BTAF1: variants seen among roughly 807,000 people sequenced by gnomAD.
BTAF1 encodes B-TFIID TATA-box binding protein associated factor 1.
In BTAF1, 38 loss-of-function variants were observed where a neutral mutation model predicts 227.1. The observed-to-expected ratio is 0.17, with a 90% CI of 0.13 to 0.22. The LOEUF is 0.22. Among genes scored for constraint, BTAF1 ranks in the 10% least tolerant of loss-of-function variants. The pLI is 1.00. For synonymous variants in BTAF1, 742 were observed against 751.9 expected (o/e 0.99, Z 0.21); for missense variants, 1,598 against 2,204.0 (o/e 0.73, Z 5.51).
At chr10:91,986,887 T>A (rs1454460817) in intron 19 of BTAF1, among the ~76,000 whole-genome samples, 1 of 152,098 alleles carries the variant, frequency 6.6e-6, no homozygotes, top group East Asian at 1.9e-4. Flanking sequence ...AGGGCAGTTT[T>A]CAAAGGAGCC....
Position 91,982,154 on chromosome 10 carries a change from T to C in BTAF1, c.1977T>C (p.Gly659=). Residue 659 remains glycine (G), a synonymous_variant, in exon 17 of 38, where the codon GGT becomes GGC. Coordinates refer to ENST00000265990, the MANE Select transcript of BTAF1 (RefSeq NM_003972.3). ...NKEVLQEYIA[G]ADTIMEDPAT... is the part of the protein sequence containing the mutation. ...AAGTACTTCAGGAGTATATTGCAGG[T>C]GCCGACACCATCATGGAAGACCCAG... is the stretch of plus-strand genomic sequence containing the variant. 1 of 1,613,992 alleles carries C rather than the reference T, an allele frequency of 6.2e-7. No homozygotes were observed. The highest frequency in any genetic ancestry group is 1.1e-5 in the South Asian group (1 of 91,068).
chr10:91,956,177 A>G (rs4933223), intron 6 of BTAF1, among the ~76,000 whole-genome samples: 145,785 of 152,224 alleles, frequency 0.96, 70,158 homozygotes, highest in East Asian at 1. Flanking sequence ...AAAAACGTTA[A>G]TGTTATGCTG....
chr10:91,930,209 C>T (rs1564652028), intron 1 of BTAF1, among the ~76,000 whole-genome samples: 1 of 152,080 alleles, frequency 6.6e-6, no homozygotes, highest in South Asian at 2.1e-4. Context: ...TGCTAAAGAA[C>T]CTAGATTAGT....
rs1173834515 is a variant in BTAF1 at position 91,935,793 on chromosome 10, T to A, written c.138+13T>A. 3 of 1,592,806 alleles carry A rather than the reference T, an allele frequency of 1.9e-6. No individual in the cohort carries two copies. The highest frequency in any genetic ancestry group is 3.4e-5 in the Admixed American group (2 of 58,006). ...TCTCCTGTCTAAAGTAAGAACTTTT[T>A]TTTTTCTTTTAGCATAATACAATTG... On this transcript the variant is annotated intron_variant, in intron 2 of 37. Coordinates refer to ENST00000265990, the MANE Select transcript of BTAF1 (RefSeq NM_003972.3).
At chr10:91,930,606 A>G (rs1844207412) in intron 1 of BTAF1, among the ~76,000 whole-genome samples, 1 of 152,216 alleles carries the variant, frequency 6.6e-6, no homozygotes, top group African/African-American at 2.4e-5. Context: ...AACATGACCT[A>G]GAAAGTATAT....
chr10:91,969,847 G>T (rs915648559), intron 14 of BTAF1, among the ~76,000 whole-genome samples: 10 of 151,648 alleles, frequency 6.6e-5, no homozygotes, highest in Admixed American at 6.6e-5. Context: ...GCCTGTAATC[G>T]TAGCTACTCG....
chr10:91,980,603 T>C, intron 15 of BTAF1, 45 bp downstream of exon 15: 1 of 1,501,538 alleles, frequency 6.7e-7, no homozygotes, highest in Non-Finnish European at 9.2e-7. Flanking sequence ...GTAACTTTTG[T>C]AGATTTTTAA....
chr10:91,943,128 A>G (rs1383491967), intron 4 of BTAF1, among the ~76,000 whole-genome samples: 1 of 152,130 alleles, frequency 6.6e-6, no homozygotes, highest in Non-Finnish European at 1.5e-5. Flanking sequence ...AGCCTAACCA[A>G]CATGGCGAAA....
At chr10:91,955,649 A>G (rs1342351297) in intron 6 of BTAF1, among the ~76,000 whole-genome samples, 2 of 152,246 alleles carry the variant, frequency 1.3e-5, no homozygotes, top group Middle Eastern at 3.4e-3. Flanking sequence ...AAAAGTTTCA[A>G]TAGTTTTAAA....
chr10:92,029,199 G>A lies in BTAF1; in HGVS notation c.*266G>A, dbSNP rs1208325503. The A allele has an allele frequency of 3.5e-6, 1 of 283,162 alleles. No homozygotes were observed. Among genetic ancestry groups the A allele is most frequent in the Non-Finnish European group, 6.4e-6 (1 of 155,182 alleles). The allele number at this position is 283,162 out of a possible 1,614,324, so 17.5% of individuals were successfully genotyped here. A position where few individuals can be genotyped will look rare whatever the true frequency, so the allele number is the denominator to read the frequency against. ...CAGAGGAACCAAACCAGGTTTATTT[G>A]TGCTACCAGGAGGTGTTCTTAATGG... On this transcript the variant is annotated 3_prime_UTR_variant, in exon 38 of 38. Coordinates refer to ENST00000265990, the MANE Select transcript of BTAF1 (RefSeq NM_003972.3).
chr10:91,978,936 T>TA (rs2133973185), intron 14 of BTAF1, among the ~76,000 whole-genome samples: 1 of 148,620 alleles, frequency 6.7e-6, no homozygotes, highest in East Asian at 2.1e-4. Context: ...ACCTAGGTAC[T>TA]AAAGCTTAAT....
chr10:92,024,214 TC>T (rs1564725829), intron 34 of BTAF1, among the ~76,000 whole-genome samples: 1 of 152,204 alleles, frequency 6.6e-6, no homozygotes, highest in Non-Finnish European at 1.5e-5. Flanking sequence ...GCTAAATGCT[TC>T]TTTTCTATAA....
intron 35 of BTAF1, among the ~76,000 whole-genome samples, chr10:92,025,838 A>G (rs963918177): frequency 6.8e-6 from 1 of 147,964 alleles, no homozygotes; most frequent in Non-Finnish European, 1.5e-5. Flanking sequence ...AAAAACAAGC[A>G]TCCCTAAGAG....
intron 25 of BTAF1, among the ~76,000 whole-genome samples, chr10:92,000,560 G>A (rs1849450778): frequency 6.6e-6 from 1 of 152,010 alleles, no homozygotes; most frequent in Non-Finnish European, 1.5e-5. Flanking sequence ...GTTGTTTTTT[G>A]TTTGGTTGTT....
At chr10:91,970,141 T>C (rs1035579565) in intron 14 of BTAF1, among the ~76,000 whole-genome samples, 1 of 151,582 alleles carries the variant, frequency 6.6e-6, no homozygotes, top group African/African-American at 2.4e-5. Context: ...AAGGCTTTGG[T>C]ACTAGCCTTC....
At position 91,984,345 on chromosome 10, in the gene BTAF1, A is replaced by T; in HGVS notation, c.2368A>T (p.Ile790Phe). 1 of 1,613,564 alleles carries T rather than the reference A, an allele frequency of 6.2e-7. No homozygotes were observed. The highest frequency in any genetic ancestry group is 8.5e-7 in the Non-Finnish European group (1 of 1,179,796). ...TATATCATCATTAGCTGATGTACAT[A>T]TTGAAGTTGGTAATCGAGTAAACAA... Reference protein sequence around the residue: ...QLISSLADVHIEVGNRVNNNV... With the variant: ...QLISSLADVHFEVGNRVNNNV... Residue 790 changes from isoleucine to phenylalanine, a missense_variant, in exon 19 of 38, where the codon ATT (isoleucine) becomes TTT (phenylalanine). Ile to Phe is a conservative substitution (Grantham distance 21). Transcript: ENST00000265990.
rs1387130503 is a variant in BTAF1 at position 91,923,800 on chromosome 10, A to G, written c.-277A>G. On this transcript the variant is annotated 5_prime_UTR_variant, in exon 1 of 38. Coordinates refer to ENST00000265990, the MANE Select transcript of BTAF1 (RefSeq NM_003972.3). ...TGCGTGCCGACGCCCGCGTCAGCAAAGAGCGGAGCTGAGGGTACCCGGTTT... is the reference window on the plus strand; with the variant it reads ...TGCGTGCCGACGCCCGCGTCAGCAAGGAGCGGAGCTGAGGGTACCCGGTTT... 5.0e-6 allele frequency: 2 copies of G among 401,678 alleles called. No individual in the cohort carries two copies. The highest frequency in any genetic ancestry group is 8.8e-6 in the Non-Finnish European group (2 of 226,016). 24.9% of individuals were successfully genotyped at this position (401,678 alleles called of 1,614,324 possible).
chr10:91,934,231 T>C (rs1844446967), intron 1 of BTAF1, among the ~76,000 whole-genome samples: 1 of 152,080 alleles, frequency 6.6e-6, no homozygotes, highest in Non-Finnish European at 1.5e-5. Context: ...TTTAATCTAT[T>C]TTGATTTAAT....
intron 2 of BTAF1, among the ~76,000 whole-genome samples, chr10:91,939,742 G>C (rs1344337934): frequency 1.3e-5 from 2 of 152,050 alleles, no homozygotes; most frequent in African/African-American, 4.8e-5. Context: ...CTGGCCACAG[G>C]TTTCTTAAAT....
Sources: gnomAD v4.1 joint callset for allele counts (sites outside exome capture counted in the v4.1 genomes callset) on GRCh38, gnomAD v4.1.1 for gene constraint, MANE v1.5 for transcripts, NCBI Gene and HGNC (gene_info 2026-07-23, HGNC 2026-07-21) for gene names.